ADAMTS16: variants seen among roughly 807,000 people sequenced by gnomAD.
ADAMTS16 encodes ADAM metallopeptidase with thrombospondin type 1 motif 16.
In ADAMTS16, 94 loss-of-function variants were observed where a neutral mutation model predicts 145.8. The ratio of observed to expected loss-of-function variants is 0.64; its 90% CI spans 0.55 to 0.77. The LOEUF is 0.77. ADAMTS16 is among the 30% of genes least tolerant of loss of function. The pLI, the probability that ADAMTS16 is intolerant of heterozygous loss-of-function variation, is 0.00. For missense variants in ADAMTS16, 1,585 were observed against 1,591.5 expected, an observed-to-expected ratio of 1.00 and a Z score of 0.07; for synonymous variants, 659 against 604.3, an observed-to-expected ratio of 1.09 and a Z score of -1.33.
chr5:5,255,874 TA>T (rs1737763472), intron 17 of ADAMTS16, among the ~76,000 whole-genome samples: 1 of 152,248 alleles, frequency 6.6e-6, no homozygotes, highest in Admixed American at 6.5e-5. Flanking sequence ...ACATCCTAAT[TA>T]AAAATATCTG....
chr5:5,168,139 A>G (rs1014376577), intron 3 of ADAMTS16, among the ~76,000 whole-genome samples: 3 of 152,090 alleles, frequency 2.0e-5, no homozygotes, highest in Admixed American at 6.6e-5. Context: ...AAGTAACAAT[A>G]CTTATTATGA....
intron 7 of ADAMTS16, among the ~76,000 whole-genome samples, chr5:5,190,944 G>T (rs1274716241): frequency 6.6e-6 from 1 of 150,394 alleles, no homozygotes; most frequent in Non-Finnish European, 1.5e-5. Flanking sequence ...TCCTTCTGAG[G>T]TTCTGGAATT....
intron 18 of ADAMTS16, among the ~76,000 whole-genome samples, chr5:5,265,442 G>T (rs527571026): frequency 6.6e-6 from 1 of 152,172 alleles, no homozygotes; most frequent in Non-Finnish European, 1.5e-5. Flanking sequence ...GCCAACTGGC[G>T]GTCATAGAAG....
intron 3 of ADAMTS16, among the ~76,000 whole-genome samples, chr5:5,151,562 A>G (rs555415438): frequency 2.6e-5 from 4 of 151,840 alleles, no homozygotes; most frequent in Middle Eastern, 3.4e-3. Flanking sequence ...ATGTATTTTT[A>G]TCATATATAT....
In ADAMTS16 at chr5:5,317,461, C is replaced by T. The variant is rs1441163055; in HGVS notation, c.3412-673C>T. ...CCAGGCTGAAGTGCTGTGGCATGAT[C>T]TCAGCTCACTGCAACCTCTGCCTCC... On this transcript the variant is annotated intron_variant, in intron 21 of 22. Transcript: ENST00000274181. This position sits in a 1 kb window ranked among gnomAD's most constrained non-coding sequence, Gnocchi z 4.5. Among the ~76,000 whole-genome samples, 2 of 152,116 alleles carry T rather than the reference C, an allele frequency of 1.3e-5. No individual in the cohort carries two copies. The highest frequency in any genetic ancestry group is 1.9e-4 in the East Asian group (1 of 5,188).
Position 5,278,926 on chromosome 5 carries a change from A to C in ADAMTS16, c.2789+16143A>C, listed in dbSNP as rs563155475. On this transcript the variant is annotated intron_variant, in intron 18 of 22. Transcript: ENST00000274181. ...CAATAAAAAACCAACCAAACAAACA[A>C]AAAAAACAAAACGAAGGGAGAAAGG... is the stretch of plus-strand genomic sequence containing the variant. Among the ~76,000 whole-genome samples, 7 of 152,318 alleles carry C rather than the reference A, an allele frequency of 4.6e-5. No individual in the cohort carries two copies. In the East Asian group the frequency reaches 1.2e-3, roughly 25 times the overall value.
chr5:5,191,851 T>C (rs749667497), intron 8 of ADAMTS16, 61 bp downstream of exon 8: 29 of 1,261,542 alleles, frequency 2.3e-5, no homozygotes, highest in Non-Finnish European at 3.1e-5. Context: ...ATGATTTCCA[T>C]GGAAATATTG....
intron 18 of ADAMTS16, among the ~76,000 whole-genome samples, chr5:5,275,526 T>G: frequency 6.6e-6 from 1 of 152,314 alleles, no homozygotes; most frequent in East Asian, 1.9e-4. Context: ...TATTAAAATT[T>G]CACATTATGA....
intron 18 of ADAMTS16, among the ~76,000 whole-genome samples, chr5:5,285,568 C>T (rs558890217): frequency 9.9e-5 from 15 of 152,218 alleles, no homozygotes; most frequent in African/African-American, 1.7e-4. Context: ...AGCTACCACA[C>T]AGATTTGTTG....
At chr5:5,197,841 G>A (rs968139252) in intron 8 of ADAMTS16, among the ~76,000 whole-genome samples, 1 of 152,122 alleles carries the variant, frequency 6.6e-6, no homozygotes, top group African/African-American at 2.4e-5. Flanking sequence ...GTGAAATAGT[G>A]GTGCTGAGAT....
At chr5:5,184,336 A>ACT (rs1735437073) in intron 4 of ADAMTS16, among the ~76,000 whole-genome samples, 1 of 105,968 alleles carries the variant, frequency 9.4e-6, no homozygotes, top group South Asian at 4.0e-4. Context: ...CCCCCAGGGC[A>ACT]CTGTCACCGA....
intron 10 of ADAMTS16, among the ~76,000 whole-genome samples, chr5:5,222,402 T>G (rs1180816854): frequency 6.6e-6 from 1 of 151,798 alleles, no homozygotes; most frequent in African/African-American, 2.4e-5. Context: ...AAAATAAGAA[T>G]TCAGACTTGG....
chr5:5,188,978 G>A (rs987756485), intron 6 of ADAMTS16, among the ~76,000 whole-genome samples: 7 of 152,164 alleles, frequency 4.6e-5, no homozygotes, highest in African/African-American at 1.7e-4. Flanking sequence ...TTTAATTAAT[G>A]CAGTTTTCCT....
intron 2 of ADAMTS16, among the ~76,000 whole-genome samples, chr5:5,141,727 A>C (rs1734173639): frequency 1.3e-5 from 2 of 152,234 alleles, no homozygotes; most frequent in Admixed American, 1.3e-4. Flanking sequence ...ATTTGATAAA[A>C]TAACATAAAG....
intron 12 of ADAMTS16, among the ~76,000 whole-genome samples, chr5:5,232,735 C>T (rs1356266872): frequency 1.9e-4 from 29 of 151,608 alleles, no homozygotes; most frequent in Admixed American, 1.1e-3. Context: ...TCCCAAGTAG[C>T]TGGGACTATA....
chr5:5,300,340 A>T (rs1053155161), intron 18 of ADAMTS16, among the ~76,000 whole-genome samples: 2 of 152,206 alleles, frequency 1.3e-5, no homozygotes, highest in South Asian at 2.1e-4. Context: ...CCAAGAATCA[A>T]TTTTTCATAA....
rs1433499840 is a variant in ADAMTS16 at position 5,303,325 on chromosome 5, C to A, written c.2847C>A (p.Ser949Arg). The change falls in exon 19 of 23, where the codon AGC becomes AGA. Residue 949 changes from serine (S) to arginine (R), a missense_variant. By Grantham distance (110) the Ser-to-Arg change is moderately radical. Around this residue, in one of 3 missense-constraint regions of ADAMTS16, gnomAD observed 834 missense variants for 811.7 expected, o/e 1.03. Transcript: ENST00000274181. ...CSRTCGGGAQ[S>R]RPVQCTRRVH... is the part of the protein sequence containing the mutation. Reference sequence around the variant, plus strand: ...GGACGTGTGGCGGGGGTGCCCAGAGCCGCCCCGTGCAGTGCACACGGCGGG... The same window carrying A: ...GGACGTGTGGCGGGGGTGCCCAGAGACGCCCCGTGCAGTGCACACGGCGGG... The A allele has an allele frequency of 6.2e-7, 1 of 1,601,598 alleles. No homozygotes were observed. The highest frequency in any genetic ancestry group is 8.5e-7 in the Non-Finnish European group (1 of 1,173,914).
chr5:5,236,285 A>G (rs946186983), intron 13 of ADAMTS16, among the ~76,000 whole-genome samples: 1 of 139,204 alleles, frequency 7.2e-6, no homozygotes, highest in Admixed American at 7.8e-5. Context: ...AATTTTCATC[A>G]TTAATTGTCC....
intron 18 of ADAMTS16, among the ~76,000 whole-genome samples, chr5:5,292,578 A>G (rs1739374767): frequency 6.6e-6 from 1 of 152,028 alleles, no homozygotes; most frequent in Admixed American, 6.6e-5. Context: ...CAGTATAGAC[A>G]CTTCTCCAAG....
Sources: gnomAD v4.1 joint callset for allele counts (sites outside exome capture counted in the v4.1 genomes callset) on GRCh38, gnomAD v4.1.1 for gene constraint, gnomAD v4.1.1 regional missense constraint, Gnocchi (gnomAD v3.1) non-coding constraint, MANE v1.5 for transcripts, NCBI Gene and HGNC (gene_info 2026-07-23, HGNC 2026-07-21) for gene names.